RNF212B: variants seen among roughly 807,000 people sequenced by gnomAD.
The protein encoded by RNF212B is E3 ubiquitin-protein ligase RNF212B.
In RNF212B, 52 loss-of-function variants were observed where a neutral mutation model predicts 55.5. The observed-to-expected ratio is 0.94, with a 90% CI of 0.75 to 1.18. RNF212B has a LOEUF of 1.18. RNF212B is among the 50% of genes most tolerant of loss of function. The probability of loss-of-function intolerance (pLI) is 0.00; values close to 1 mark genes in which losing one functional copy is unlikely to be tolerated. For synonymous variants in RNF212B, 99 were observed against 121.4 expected (o/e 0.82, Z 1.21); for missense variants, 289 against 350.4 (o/e 0.82, Z 1.40).
chr14:23,190,960 C>T (rs949827215), intron 1 of RNF212B, among the ~76,000 whole-genome samples: 1 of 152,218 alleles, frequency 6.6e-6, no homozygotes, highest in African/African-American at 2.4e-5. Flanking sequence ...GGTCAGTCTT[C>T]CTGCAGACCG....
intron 4 of RNF212B, among the ~76,000 whole-genome samples, chr14:23,249,866 G>C (rs1445733887): frequency 1.3e-5 from 2 of 152,098 alleles, no homozygotes; most frequent in African/African-American, 2.4e-5. Flanking sequence ...CCTCAAATCT[G>C]TTCCCTCTGA....
intron 2 of RNF212B, among the ~76,000 whole-genome samples, chr14:23,214,542 T>TA (rs1036749155): frequency 2.0e-5 from 3 of 151,736 alleles, no homozygotes; most frequent in Admixed American, 6.6e-5. Flanking sequence ...TAATTTAATT[T>TA]AAAAAAAGGA....
In RNF212B at chr14:23,225,976, T is replaced by C. The variant is rs1594898964; in HGVS notation, c.-1-14369T>C. Among the ~76,000 whole-genome samples, 3 of 152,134 alleles carry C rather than the reference T, an allele frequency of 2.0e-5. No individual in the cohort carries two copies. In the South Asian group the frequency reaches 6.2e-4, roughly 32 times the overall value. ...CCTGTAAGTATACACACCAAGTATG[T>C]ACCCACAAAAATGAAAAATTTTTTA... On this transcript the variant is annotated intron_variant, in intron 2 of 15. Coordinates refer to the RNF212B transcript ENST00000399910.
At chr14:23,192,975 C>A (rs1336827548) in intron 1 of RNF212B, among the ~76,000 whole-genome samples, 1 of 151,562 alleles carries the variant, frequency 6.6e-6, no homozygotes, top group Non-Finnish European at 1.5e-5. Flanking sequence ...GCCTGTAATC[C>A]CAGCTACTAG....
intron 2 of RNF212B, among the ~76,000 whole-genome samples, chr14:23,226,698 A>T (rs1411110843): frequency 6.6e-6 from 1 of 151,968 alleles, no homozygotes; most frequent in Non-Finnish European, 1.5e-5. Context: ...GGCACAAGGC[A>T]TCTTCGTGGT....
chr14:23,250,862 A>T (rs553275720), intron 4 of RNF212B, among the ~76,000 whole-genome samples: 1 of 152,332 alleles, frequency 6.6e-6, no homozygotes, highest in South Asian at 2.1e-4. Flanking sequence ...CTTCTAGGTC[A>T]TAGGTAGATA....
intron 2 of RNF212B, among the ~76,000 whole-genome samples, chr14:23,229,639 A>G (rs1882380950): frequency 6.6e-6 from 1 of 152,176 alleles, no homozygotes; most frequent in African/African-American, 2.4e-5. Context: ...ATGACTAATT[A>G]TATTGAGAAT....
At chr14:23,219,233 A>G (rs1881348715) in intron 2 of RNF212B, among the ~76,000 whole-genome samples, 1 of 152,214 alleles carries the variant, frequency 6.6e-6, no homozygotes, top group African/African-American at 2.4e-5. Context: ...AATGAGCAAG[A>G]AGAAATCATC....
chr14:23,207,832 G>A (rs1175223553), intron 2 of RNF212B, among the ~76,000 whole-genome samples: 1 of 152,202 alleles, frequency 6.6e-6, no homozygotes, highest in Non-Finnish European at 1.5e-5. Context: ...TACATTTTAG[G>A]AAGACATGAG....
At chr14:23,246,879 G>A (rs1019808365) in intron 4 of RNF212B, among the ~76,000 whole-genome samples, 2 of 152,152 alleles carry the variant, frequency 1.3e-5, no homozygotes, top group Non-Finnish European at 2.9e-5. Flanking sequence ...GGTGGCTCAC[G>A]CCTGTAATCC....
intron 7 of RNF212B, among the ~76,000 whole-genome samples, chr14:23,262,419 TA>T (rs1443472114): frequency 6.6e-6 from 1 of 152,210 alleles, no homozygotes; most frequent in East Asian, 1.9e-4. Flanking sequence ...AGGTGTACTT[TA>T]AAACTTCTAT....
intron 14 of RNF212B, among the ~76,000 whole-genome samples, chr14:23,271,048 A>G (rs1886037665): frequency 6.6e-6 from 1 of 152,218 alleles, no homozygotes; most frequent in African/African-American, 2.4e-5. Flanking sequence ...AGAGACCGCT[A>G]GAATAATATT....
intron 2 of RNF212B, among the ~76,000 whole-genome samples, chr14:23,243,033 G>A (rs1883712187): frequency 6.6e-6 from 1 of 151,532 alleles, no homozygotes; most frequent in Non-Finnish European, 1.5e-5. Context: ...GACGTACGGT[G>A]TGAAAGCCCT....
At chr14:23,208,770 TTTTTTTG>T (rs1372159409) in intron 2 of RNF212B, among the ~76,000 whole-genome samples, 2 of 136,840 alleles carry the variant, frequency 1.5e-5, no homozygotes, top group African/African-American at 6.2e-5. Context: ...TTTTTTTTTT[TTTTTTTG>T]AGACGGAGTC....
intron 4 of RNF212B, among the ~76,000 whole-genome samples, chr14:23,257,813 T>C (rs1351846094): frequency 6.6e-6 from 1 of 152,168 alleles, no homozygotes; most frequent in East Asian, 1.9e-4. Flanking sequence ...CCCTTTCCTA[T>C]AGCAGCATAA....
In RNF212B at chr14:23,198,086, T is replaced by C. The variant is rs142538523; in HGVS notation, c.-2+4685T>C. ...ACTTCTTTTGTGGATCTTCAGTTAC[T>C]TCAGGCCATCTGGATGTGTACGTGC... On this transcript the variant is annotated intron_variant, in intron 2 of 15. Coordinates refer to the RNF212B transcript ENST00000399910. 1.0e-3 allele frequency among the ~76,000 whole-genome samples: 157 copies of C among 152,334 alleles called. 5 individuals carry two copies. The East Asian group carries it at 0.026, about 25-fold the overall frequency.
intron 2 of RNF212B, among the ~76,000 whole-genome samples, chr14:23,205,268 T>C (rs994065590): frequency 6.6e-6 from 1 of 151,762 alleles, no homozygotes; most frequent in African/African-American, 2.4e-5. Context: ...TTAAATGAGC[T>C]TGGAATTAGA....
In RNF212B at chr14:23,269,886, A is replaced by G. The variant is rs755095572; in HGVS notation, c.698A>G (p.Gln233Arg). 1.3e-6 allele frequency: 2 copies of G among 1,547,840 alleles called. No homozygotes were observed. ...AGAACTTCATCTGCCTCCTCTGGACAGGGGATTTTTTCTTTCAGACCATCC... is the reference window on the plus strand; with the variant it reads ...AGAACTTCATCTGCCTCCTCTGGACGGGGGATTTTTTCTTTCAGACCATCC... The part of the protein sequence containing the change: ...SYRTSSASSG[Q>R]GIFSFRPSPN... Residue 233 changes from glutamine to arginine, a missense_variant, in exon 13 of 15, where the codon CAG (glutamine) becomes CGG (arginine). Coordinates refer to ENST00000430154, the MANE Select transcript of RNF212B (RefSeq NM_001282322.3).
chr14:23,221,416 A>C (rs114165456), intron 2 of RNF212B, among the ~76,000 whole-genome samples: 1,947 of 152,322 alleles, frequency 0.013, 41 homozygotes, highest in African/African-American at 0.042. Context: ...TATAATGATA[A>C]AGGGGTCAAT....
Sources: gnomAD v4.1 joint callset for allele counts (sites outside exome capture counted in the v4.1 genomes callset) on GRCh38, gnomAD v4.1.1 for gene constraint, MANE v1.5 for transcripts, NCBI Gene and HGNC (gene_info 2026-07-23, HGNC 2026-07-21) for gene names.